PCDHA4: variants seen among roughly 807,000 people sequenced by gnomAD.
PCDHA4 encodes protocadherin alpha 4, also known as protocadherin alpha-4.
PCDHA4 carries 49 observed loss-of-function variants against 61.4 expected under a neutral mutation model. The ratio of observed to expected loss-of-function variants is 0.80; its 90% CI spans 0.63 to 1.01. The LOEUF (loss-of-function observed/expected upper bound fraction) is 1.01, where lower values mean the gene tolerates loss of function less well. PCDHA4 is among the 50% of genes least tolerant of loss of function. The pLI is 0.00. For synonymous variants in PCDHA4, 590 were observed against 550.3 expected (o/e 1.07, Z -1.01); for missense variants, 1,254 against 1,235.8 (o/e 1.01, Z -0.22).
intron 1 of PCDHA4, chr5:140,858,692 C>A: frequency 1.7e-6 from 1 of 580,634 alleles, no homozygotes; most frequent in Non-Finnish European, 2.9e-6. Flanking sequence ...TAATATTTTC[C>A]AATACAAATA....
chr5:140,888,994 T>A (rs1486471421), intron 1 of PCDHA4, among the ~76,000 whole-genome samples: 5 of 152,154 alleles, frequency 3.3e-5, no homozygotes, highest in African/African-American at 1.2e-4. Flanking sequence ...TATGATTTTC[T>A]TATGGCAAAC....
intron 3 of PCDHA4, among the ~76,000 whole-genome samples, chr5:140,990,557 A>G (rs782726055): frequency 2.0e-5 from 3 of 152,166 alleles, no homozygotes; most frequent in Non-Finnish European, 4.4e-5. Flanking sequence ...TTACCCAAGA[A>G]CACACACCTG....
intron 1 of PCDHA4, chr5:140,830,053 C>T (rs2150180331): frequency 4.3e-6 from 7 of 1,613,618 alleles, no homozygotes; most frequent in Non-Finnish European, 2.5e-6. Flanking sequence ...TGAAAGACCA[C>T]GGTGAGCCGG....
Position 140,809,149 on chromosome 5 carries a change from C to T in PCDHA4, c.1962C>T (p.His654=), listed in dbSNP as rs782812274. ...RHRLLVLVKD[H]GEPALTATAT... Reference sequence around the variant, plus strand: ...GCCTACTGGTACTGGTGAAGGACCACGGCGAGCCCGCGCTGACGGCCACGG... The same window carrying T: ...GCCTACTGGTACTGGTGAAGGACCATGGCGAGCCCGCGCTGACGGCCACGG... The change falls in exon 1 of 4, where the codon CAC becomes CAT. Residue 654 remains histidine (H), a synonymous_variant. Coordinates refer to ENST00000530339, the MANE Select transcript of PCDHA4 (RefSeq NM_018907.4). 2.5e-6 allele frequency: 4 copies of T among 1,613,942 alleles called. No homozygotes were observed. Among genetic ancestry groups the T allele is most frequent in the Non-Finnish European group, 3.4e-6 (4 of 1,179,914 alleles).
chr5:140,870,891 G>A, intron 1 of PCDHA4: 2 of 1,613,964 alleles, frequency 1.2e-6, no homozygotes, highest in Non-Finnish European at 1.7e-6. Flanking sequence ...TGCGCGCAGT[G>A]GATGCGGACT....
chr5:140,873,546 A>C (rs2054343070), intron 1 of PCDHA4, among the ~76,000 whole-genome samples: 2 of 151,836 alleles, frequency 1.3e-5, no homozygotes, highest in Admixed American at 1.3e-4. Context: ...TAAAATTATA[A>C]TTTCAATTTA....
At chr5:140,824,561 C>G (rs1768165211) in intron 1 of PCDHA4, 1 of 173,514 alleles carries the variant, frequency 5.8e-6, no homozygotes, top group South Asian at 1.7e-4. Flanking sequence ...AAGTGATCCT[C>G]CTATCTCAGC....
chr5:140,857,900 C>A, intron 1 of PCDHA4: 2 of 1,597,730 alleles, frequency 1.3e-6, no homozygotes, highest in African/African-American at 1.3e-5. Context: ...GGTTGGTGCA[C>A]GCATCCCGTT....
chr5:140,876,055 G>A (rs782670279), intron 1 of PCDHA4: 2 of 1,613,934 alleles, frequency 1.2e-6, no homozygotes, highest in Non-Finnish European at 1.7e-6. Context: ...GCCTGAATTA[G>A]TTCTTCGGAA....
chr5:140,808,252 A>G lies in PCDHA4; in HGVS notation c.1065A>G (p.Leu355=). Residue 355 remains leucine, a synonymous_variant, in exon 1 of 4, where the codon TTA becomes TTG. Transcript: ENST00000530339. ...DNVPDLEFKS[L]SLPIREDAPL... ...TCCCAGATTTGGAATTCAAGTCTTTATCACTTCCAATTAGAGAGGACGCTC... is the reference window on the plus strand; with the variant it reads ...TCCCAGATTTGGAATTCAAGTCTTTGTCACTTCCAATTAGAGAGGACGCTC... 6.2e-7 allele frequency: 1 copy of G among 1,614,232 alleles called. No homozygotes were observed. Among genetic ancestry groups the G allele is most frequent in the South Asian group, 1.1e-5 (1 of 91,088 alleles).
chr5:140,887,801 G>T (rs1377550372), intron 1 of PCDHA4, among the ~76,000 whole-genome samples: 1 of 151,856 alleles, frequency 6.6e-6, no homozygotes, highest in Non-Finnish European at 1.5e-5. Context: ...CTTTATTTTT[G>T]TCCATTTCTT....
rs2150329833 is a variant in PCDHA4, at chr5:140,842,126, C to A, written c.2385+32554C>A. The A allele has an allele frequency of 5.7e-5, 92 of 1,613,822 alleles. 1 individual carries two copies. The East Asian group carries it at 1.8e-3, about 32-fold the overall frequency. ...AGTTATCAAACTGAATGCTTCTGAT[C>A]CGGATGAAGGAGCCAATGGGGCAAT... On this transcript the variant is annotated intron_variant, in intron 1 of 3. Transcript: ENST00000530339.
At chr5:140,998,380 A>G (rs921989792) in intron 3 of PCDHA4, among the ~76,000 whole-genome samples, 2 of 152,188 alleles carry the variant, frequency 1.3e-5, no homozygotes, top group African/African-American at 4.8e-5. Context: ...GTCTCTAGAA[A>G]GTTTAATGCC....
Position 140,843,051 on chromosome 5 carries a change from C to G in PCDHA4, c.2385+33479C>G, listed in dbSNP as rs2150351121. ...CGGGTGGGTGGCACTGGTGGCGCAG[C>G]GAGCAAGCTGGTGCCGCGGTCTGTG... On this transcript the variant is annotated intron_variant, in intron 1 of 3. Transcript: ENST00000530339. 14 of 1,594,994 alleles carry G rather than the reference C, an allele frequency of 8.8e-6. 2 individuals carry two copies. The highest frequency in any genetic ancestry group is 2.2e-5 in the South Asian group (2 of 90,478).
At chr5:140,870,955 C>G (rs782342308) in intron 1 of PCDHA4, 1 of 1,613,632 alleles carries the variant, frequency 6.2e-7, no homozygotes, top group South Asian at 1.1e-5. Context: ...GGGCGGCTCG[C>G]GCATCCCGTT....
Position 141,010,180 on chromosome 5 carries a change from AC to A in PCDHA4, c.*246del. The stretch of plus-strand genomic sequence containing the variant: ...CTTGTTTTCAGAACCTAAAAAGCAG[AC>A]CCAAGTTTCCTTTCTCCTCCGCCGC... On this transcript the variant is annotated 3_prime_UTR_variant, in exon 4 of 4. Coordinates refer to ENST00000530339, the MANE Select transcript of PCDHA4 (RefSeq NM_018907.4). 2 of 1,554,710 alleles carry A rather than the reference AC, an allele frequency of 1.3e-6. No individual in the cohort carries two copies. The highest frequency in any genetic ancestry group is 1.7e-6 in the Non-Finnish European group (2 of 1,148,310).
At chr5:140,850,090 A>G (rs2150466556) in intron 1 of PCDHA4, 1 of 1,596,664 alleles carries the variant, frequency 6.3e-7, no homozygotes, top group Admixed American at 1.7e-5. Context: ...GAGCTGCTAC[A>G]GTTCCAGGTG....
At chr5:140,825,350 T>TATATATTAGATATATCAATATCTAAA (rs1768518151) in intron 1 of PCDHA4, 1 of 147,632 alleles carries the variant, frequency 6.8e-6, no homozygotes, top group Non-Finnish European at 1.5e-5. Context: ...ATATATCTAA[T>TATATATTAGATATATCAATATCTAAA]ATATATTAGA....
At chr5:140,829,719 C>A (rs781943125) in intron 1 of PCDHA4, 1 of 1,613,542 alleles carries the variant, frequency 6.2e-7, no homozygotes, top group Non-Finnish European at 8.5e-7. Flanking sequence ...GCGGGCGTGC[C>A]GCCTCTGGGC....
Sources: gnomAD v4.1 joint callset for allele counts (sites outside exome capture counted in the v4.1 genomes callset) on GRCh38, gnomAD v4.1.1 for gene constraint, MANE v1.5 for transcripts, NCBI Gene and HGNC (gene_info 2026-07-23, HGNC 2026-07-21) for gene names.